The following CABLES1 variants were observed in gnomAD, a reference collection of about 807,000 sequenced individuals.
CABLES1 encodes the protein Cdk5 and Abl enzyme substrate 1.
In CABLES1, 36 loss-of-function variants were observed where a neutral mutation model predicts 57.8. The observed-to-expected ratio is 0.62, with a 90% CI of 0.48 to 0.82. CABLES1 has a LOEUF of 0.82. Among genes scored for constraint, CABLES1 ranks in the 40% least tolerant of loss-of-function variants. The pLI, the probability that CABLES1 is intolerant of heterozygous loss-of-function variation, is 0.00. For synonymous variants in CABLES1, 374 were observed against 363.0 expected, an observed-to-expected ratio of 1.03 and a Z score of -0.35; for missense variants, 767 against 836.6, an observed-to-expected ratio of 0.92 and a Z score of 1.03.
At chr18:23,251,735 T>G (rs1049079091) in intron 7 of CABLES1, among the ~76,000 whole-genome samples, 1 of 152,208 alleles carries the variant, frequency 6.6e-6, no homozygotes. Context: ...TATGGTGGCA[T>G]GTTGTTCAAC....
chr18:23,198,368 G>T (rs2047299744), intron 3 of CABLES1, among the ~76,000 whole-genome samples: 1 of 152,166 alleles, frequency 6.6e-6, no homozygotes, highest in Admixed American at 6.5e-5. Context: ...TTGTCTTCAG[G>T]ACTAGATCTC....
chr18:23,153,080 G>A (rs1438765083), intron 1 of CABLES1, among the ~76,000 whole-genome samples: 2 of 151,674 alleles, frequency 1.3e-5, no homozygotes, highest in Non-Finnish European at 2.9e-5. Context: ...GATTACAGGC[G>A]TGAGCCACTA....
At chr18:23,243,733 G>T (rs892413562) in intron 7 of CABLES1, among the ~76,000 whole-genome samples, 2 of 151,882 alleles carry the variant, frequency 1.3e-5, no homozygotes, top group African/African-American at 4.8e-5. Context: ...TTAGCCAGGT[G>T]TGGTGGCAGG....
rs114598154 is a variant in CABLES1 at position 23,178,270 on chromosome 18, T to C, written c.846-10568T>C. ...CTTCTCCTGGTTCTACCCTTCTGCG[T>C]ATTCCATTGTGTGCCCCTACAGCAG... On this transcript the variant is annotated intron_variant, in intron 1 of 9. Coordinates refer to ENST00000256925, the MANE Select transcript of CABLES1 (RefSeq NM_001100619.3). Among the ~76,000 whole-genome samples, 1,317 of 152,290 alleles carry C rather than the reference T, an allele frequency of 8.6e-3. 9 individuals carry two copies. The highest frequency in any genetic ancestry group is 0.024 in the African/African-American group (1,004 of 41,566).
At chr18:23,166,976 C>T (rs981302026) in intron 1 of CABLES1, among the ~76,000 whole-genome samples, 7 of 152,116 alleles carry the variant, frequency 4.6e-5, no homozygotes, top group Non-Finnish European at 1.0e-4. Context: ...GCATTTCCCC[C>T]GTTTTATAGC....
At chr18:23,148,913 G>C (rs2046909999) in intron 1 of CABLES1, among the ~76,000 whole-genome samples, 1 of 152,102 alleles carries the variant, frequency 6.6e-6, no homozygotes, top group Non-Finnish European at 1.5e-5. Flanking sequence ...TTTTGAGATG[G>C]AGTCTTGCTC....
At chr18:23,176,702 T>C (rs1026467164) in intron 1 of CABLES1, among the ~76,000 whole-genome samples, 6 of 152,040 alleles carry the variant, frequency 3.9e-5, no homozygotes, top group Non-Finnish European at 8.8e-5. Context: ...CACTATTGAG[T>C]GTGGGCCACA....
At chr18:23,194,370 C>T (rs2047266538) in intron 2 of CABLES1, 78 bp from the exon 3 acceptor site, 1 of 881,814 alleles carries the variant, frequency 1.1e-6, no homozygotes, top group Non-Finnish European at 1.9e-6. Context: ...CTGGTCCTTC[C>T]TTCCTGTCTT....
At chr18:23,252,312 C>T (rs532309903) in intron 7 of CABLES1, among the ~76,000 whole-genome samples, 1 of 152,174 alleles carries the variant, frequency 6.6e-6, no homozygotes, top group Admixed American at 6.5e-5. Flanking sequence ...CACAACTATG[C>T]GAATGTTCTT....
intron 1 of CABLES1, among the ~76,000 whole-genome samples, chr18:23,167,090 A>G (rs1450639875): frequency 6.6e-6 from 1 of 152,140 alleles, no homozygotes; most frequent in East Asian, 1.9e-4. Context: ...TGCTTCATTC[A>G]CTTGATAAAA....
rs944351368 is a variant in CABLES1, at chr18:23,192,322, G to A, written c.918-2126G>A. On this transcript the variant is annotated intron_variant, in intron 2 of 9. Coordinates refer to ENST00000256925, the MANE Select transcript of CABLES1 (RefSeq NM_001100619.3). The stretch of plus-strand genomic sequence containing the variant: ...TGGATGGATGCTGGTGGCCGCAGCT[G>A]TTAAAGTGATCACAGCCTCAGCTCC... Among the ~76,000 whole-genome samples, 12 of 152,268 alleles carry A rather than the reference G, an allele frequency of 7.9e-5. No homozygotes were observed. In the South Asian group the frequency reaches 2.3e-3, roughly 29 times the overall value.
At position 23,154,511 on chromosome 18, in the gene CABLES1, T is replaced by G. The variant is rs144539599; in HGVS notation, c.845+17904T>G. On this transcript the variant is annotated intron_variant, in intron 1 of 9. Transcript: ENST00000256925. ...AAGAGGGGGAGACGATATTTAACAATCGGGTGCCTCGTAGTGTGACTGCGA... is the reference window on the plus strand; with the variant it reads ...AAGAGGGGGAGACGATATTTAACAAGCGGGTGCCTCGTAGTGTGACTGCGA... Among the ~76,000 whole-genome samples, 821 of 152,276 alleles carry G rather than the reference T, an allele frequency of 5.4e-3. 5 individuals carry two copies. Among genetic ancestry groups the G allele is most frequent in the African/African-American group, 0.019 (779 of 41,550 alleles).
chr18:23,246,593 G>A (rs9954947), intron 7 of CABLES1, among the ~76,000 whole-genome samples: 11,511 of 150,592 alleles, frequency 0.076, 1,300 homozygotes, highest in African/African-American at 0.23. Flanking sequence ...GGGTTTCACC[G>A]TGTTAGCCAG....
intron 5 of CABLES1, among the ~76,000 whole-genome samples, 169 bp downstream of exon 5, chr18:23,234,873 T>G (rs2047592137): frequency 6.6e-6 from 1 of 152,182 alleles, no homozygotes; most frequent in African/African-American, 2.4e-5. Context: ...GTGCAGCCGG[T>G]GATTGAGTAG....
intron 1 of CABLES1, chr18:23,155,738 A>G (rs371600343): frequency 3.4e-6 from 4 of 1,165,264 alleles, no homozygotes; most frequent in Non-Finnish European, 4.7e-6. Flanking sequence ...ACGGGGTGGC[A>G]GTACATATTT....
intron 4 of CABLES1, among the ~76,000 whole-genome samples, chr18:23,219,870 C>T (rs2047473560): frequency 6.6e-6 from 1 of 152,350 alleles, no homozygotes; most frequent in South Asian, 2.1e-4. Context: ...ACTTCTCGAG[C>T]ACCTACCTGA....
chr18:23,196,163 G>A (rs1475509510), intron 3 of CABLES1, among the ~76,000 whole-genome samples: 1 of 152,212 alleles, frequency 6.6e-6, no homozygotes, highest in Non-Finnish European at 1.5e-5. Context: ...TGACCTAAGA[G>A]AACGTAAACA....
chr18:23,213,717 G>GA (rs2047421197), intron 3 of CABLES1, among the ~76,000 whole-genome samples: 1 of 152,236 alleles, frequency 6.6e-6, no homozygotes, highest in South Asian at 2.1e-4. Context: ...TCTTGCAGGA[G>GA]AAGGGGTGCA....
At chr18:23,159,607 T>C (rs1450262142) in intron 1 of CABLES1, among the ~76,000 whole-genome samples, 1 of 152,228 alleles carries the variant, frequency 6.6e-6, no homozygotes, top group Non-Finnish European at 1.5e-5. Flanking sequence ...GTGTTGATTC[T>C]GCCCGAGGCG....
Sources: gnomAD v4.1 joint callset for allele counts (sites outside exome capture counted in the v4.1 genomes callset) on GRCh38, gnomAD v4.1.1 for gene constraint, MANE v1.5 for transcripts, NCBI Gene and HGNC (gene_info 2026-07-23, HGNC 2026-07-21) for gene names.